Variants in CASP10 observed in about 807,000 individuals in gnomAD.
CASP10 encodes the protein caspase 10.
CASP10 carries 41 observed loss-of-function variants against 48.5 expected under a neutral mutation model. The observed-to-expected ratio is 0.85, with a 90% CI of 0.66 to 1.10. The LOEUF (loss-of-function observed/expected upper bound fraction) is 1.10, where lower values mean the gene tolerates loss of function less well. Ranked by LOEUF, CASP10 falls within the 50% of genes least tolerant of loss-of-function variation. CASP10 has a pLI of 0.00. For missense variants in CASP10, 614 were observed against 614.5 expected (o/e 1.00, Z 0.01); for synonymous variants, 232 against 238.4 (o/e 0.97, Z 0.25).
intron 5 of CASP10, among the ~76,000 whole-genome samples, chr2:201,198,832 G>C (rs979706896): frequency 1.3e-5 from 2 of 151,992 alleles, no homozygotes; most frequent in African/African-American, 2.4e-5. Context: ...GAGCCACCGC[G>C]CCCGGCCTAT....
rs1944466766 is a variant in CASP10 at position 201,187,793 on chromosome 2, T to A, written c.435T>A (p.Thr145=). 6.2e-7 allele frequency: 1 copy of A among 1,611,834 alleles called. No homozygotes were observed. Among genetic ancestry groups the A allele is most frequent in the Non-Finnish European group, 8.5e-7 (1 of 1,178,070 alleles). The change falls in exon 3 of 10, where the codon ACT becomes ACA. Residue 145 remains threonine, a synonymous_variant. Coordinates refer to ENST00000286186, the MANE Select transcript of CASP10 (RefSeq NM_032977.4). ...TTCTGAAAGACTCGCTTCCCAAAAC[T>A]GAAATGGTGAGTGGGTCATACAGAA... ...IFLLKDSLPK[T]EMTSLSFLAF... is the part of the protein sequence containing the mutation.
intron 2 of CASP10, among the ~76,000 whole-genome samples, chr2:201,186,805 G>A (rs532275381): frequency 1.3e-5 from 2 of 152,140 alleles, no homozygotes; most frequent in Non-Finnish European, 2.9e-5. Context: ...TCCTGCCTCA[G>A]CCTCCTGAGT....
chr2:201,183,864 A>ACC (rs1278676938), intron 1 of CASP10, among the ~76,000 whole-genome samples: 7 of 119,808 alleles, frequency 5.8e-5, no homozygotes, highest in African/African-American at 1.0e-4. Context: ...TCCTTTATTT[A>ACC]TTTATTTATT....
intron 6 of CASP10, 139 bp from the exon 7 acceptor site, chr2:201,205,743 G>A (rs1206809904): frequency 8.6e-6 from 6 of 696,850 alleles, no homozygotes; most frequent in Non-Finnish European, 1.6e-5. Context: ...TCTCCCATCA[G>A]GAAGGGCATG....
chr2:201,189,524 C>G (rs997870909), intron 3 of CASP10, among the ~76,000 whole-genome samples: 1 of 152,134 alleles, frequency 6.6e-6, no homozygotes, highest in Non-Finnish European at 1.5e-5. Context: ...CTCAGCCTCC[C>G]AAAGTTCTGG....
Position 201,186,423 on chromosome 2 carries a change from G to A in CASP10, c.347+299G>A, listed in dbSNP as rs955598368. 25 of 402,964 alleles carry A rather than the reference G, an allele frequency of 6.2e-5. 1 individual carries two copies. The Admixed American group carries it at 7.2e-4, about 12-fold the overall frequency. 25.0% of individuals were successfully genotyped at this position (402,964 alleles called of 1,614,324 possible). A position where few individuals can be genotyped will look rare whatever the true frequency, so the allele number is the denominator to read the frequency against. On this transcript the variant is annotated intron_variant, in intron 2 of 9. Transcript: ENST00000286186. The stretch of plus-strand genomic sequence containing the variant: ...GCCCGTGTTTTCCCTGCTTACCAGC[G>A]GCTACACGTGCAGATCTTCTCCCTC...
chr2:201,213,331 G>T (rs563118092), intron 9 of CASP10: 1 of 152,314 alleles, frequency 6.6e-6, no homozygotes, highest in East Asian at 1.9e-4. Context: ...GATAGTAAGA[G>T]AATTGGTGAA....
At chr2:201,208,930 G>A (rs544501777) in intron 8 of CASP10, 140 bp from the exon 9 acceptor site, 75 of 870,152 alleles carry the variant, frequency 8.6e-5, no homozygotes, top group Middle Eastern at 3.6e-4. Flanking sequence ...CGCCTGCTTC[G>A]GCCTTCCAAA....
intron 9 of CASP10, among the ~76,000 whole-genome samples, chr2:201,226,702 T>C (rs1025877271): frequency 6.9e-6 from 1 of 145,336 alleles, no homozygotes; most frequent in South Asian, 2.1e-4. Flanking sequence ...AAAAAAAAAA[T>C]GAAAAGAAGC....
Position 201,185,953 on chromosome 2 carries a change from C to T in CASP10, c.176C>T (p.Ser59Leu), listed in dbSNP as rs139417609. The change falls in exon 2 of 10, where the codon TCA (serine) becomes TTA (leucine). Residue 59 changes from serine to leucine, a missense_variant. By Grantham distance (145) the Ser-to-Leu change is moderately radical (BLOSUM62 -2). Transcript: ENST00000286186. Reference protein sequence around the residue: ...NKKLEKSSSASDVFEHLLAED... With the variant: ...NKKLEKSSSALDVFEHLLAED... Reference sequence around the variant, plus strand: ...AAGCTGGAGAAGTCCAGCTCAGCCTCAGATGTTTTTGAACATCTCTTGGCA... The same window carrying T: ...AAGCTGGAGAAGTCCAGCTCAGCCTTAGATGTTTTTGAACATCTCTTGGCA... The T allele has an allele frequency of 1.2e-6, 2 of 1,614,172 alleles. No individual in the cohort carries two copies. Among genetic ancestry groups the T allele is most frequent in the East Asian group, 2.2e-5 (1 of 44,890 alleles).
At chr2:201,228,612 A>G (rs1341131565) in intron 9 of CASP10, among the ~76,000 whole-genome samples, 1 of 152,190 alleles carries the variant, frequency 6.6e-6, no homozygotes, top group African/African-American at 2.4e-5. Flanking sequence ...TCAGAAAATC[A>G]AGGCCCAGAG....
downstream of CASP10, among the ~76,000 whole-genome samples, chr2:201,222,325 T>C (rs1159479439): frequency 4.0e-5 from 6 of 151,882 alleles, no homozygotes; most frequent in Non-Finnish European, 7.4e-5. Flanking sequence ...CAAGCGATTC[T>C]CCTGCCTCCG....
At chr2:201,197,148 A>AT (rs1004057141) in intron 5 of CASP10, among the ~76,000 whole-genome samples, 4 of 151,746 alleles carry the variant, frequency 2.6e-5, no homozygotes, top group East Asian at 3.9e-4. Context: ...TTTATTTAAA[A>AT]TTTTTTTTTA....
downstream of CASP10, among the ~76,000 whole-genome samples, chr2:201,223,150 C>T (rs1945746104): frequency 6.6e-6 from 1 of 152,236 alleles, no homozygotes; most frequent in South Asian, 2.1e-4. Context: ...AGCTCATGTT[C>T]TGGGGCCTGC....
rs774726645 is a variant in CASP10, at chr2:201,209,247, C to T, written c.1100C>T (p.Ser367Leu). The change falls in exon 9 of 10, where the codon TCG becomes TTG. Residue 367 changes from serine (S) to leucine (L), a missense_variant. Physicochemically the swap from Ser to Leu is moderately radical, Grantham distance 145. Transcript: ENST00000286186. ...THGRFGAVYS[S>L]DEALIPIREI... ...GGGAGATTTGGAGCTGTCTACTCTT[C>T]GGATGAGGCCCTCATTCCCATTCGG... 2.0e-5 allele frequency: 33 copies of T among 1,614,056 alleles called. No homozygotes were observed. Among genetic ancestry groups the T allele is most frequent in the Middle Eastern group, 1.6e-4 (1 of 6,084 alleles).
At chr2:201,191,785 C>T (rs1020421669) in intron 3 of CASP10, among the ~76,000 whole-genome samples, 2 of 152,184 alleles carry the variant, frequency 1.3e-5, no homozygotes, top group African/African-American at 4.8e-5. Context: ...CTGGCCTACA[C>T]ATATCCTGAG....
At chr2:201,216,918 C>T (rs1165547522) in intron 9 of CASP10, among the ~76,000 whole-genome samples, 1 of 152,206 alleles carries the variant, frequency 6.6e-6, no homozygotes, top group Non-Finnish European at 1.5e-5. Flanking sequence ...AGCCCAGGCT[C>T]AAATGCTACC....
At position 201,218,300 on chromosome 2, in the gene CASP10, G is replaced by A; in HGVS notation, c.*559G>A. On this transcript the variant is annotated 3_prime_UTR_variant, in exon 10 of 10. Coordinates refer to ENST00000286186, the MANE Select transcript of CASP10 (RefSeq NM_032977.4). ...TCTGAAGACAGAGTAATTGGCTTTG[G>A]TTTGTGCAGGTACTTTTTCTTTGAG... The A allele has an allele frequency of 1.0e-6, 1 of 996,974 alleles. No homozygotes were observed. Among genetic ancestry groups the A allele is most frequent in the Non-Finnish European group, 1.2e-6 (1 of 837,256 alleles). 61.8% of individuals were successfully genotyped at this position (996,974 alleles called of 1,614,324 possible).
chr2:201,200,737 T>G (rs1172186553), intron 5 of CASP10: 1 of 1,229,850 alleles, frequency 8.1e-7, no homozygotes, highest in Non-Finnish European at 1.0e-6. Flanking sequence ...TCCGCCTGCT[T>G]GCTGTGAGTT....
Sources: gnomAD v4.1 joint callset for allele counts (sites outside exome capture counted in the v4.1 genomes callset) on GRCh38, gnomAD v4.1.1 for gene constraint, MANE v1.5 for transcripts, NCBI Gene and HGNC (gene_info 2026-07-23, HGNC 2026-07-21) for gene names.